Variants in SHISA6 observed in about 807,000 individuals in gnomAD.
The protein encoded by SHISA6 is shisa family member 6.
A neutral mutation model predicts 47.9 loss-of-function variants in SHISA6; 22 were observed. That is an observed-to-expected ratio of 0.46 (90% CI 0.33 to 0.66). The LOEUF is 0.66. Among genes scored for constraint, SHISA6 ranks in the 30% least tolerant of loss-of-function variants. SHISA6 has a pLI of 0.02. For synonymous variants in SHISA6, 388 were observed against 337.8 expected (o/e 1.15, Z -1.63); for missense variants, 680 against 764.6 (o/e 0.89, Z 1.30).
intron 1 of SHISA6, among the ~76,000 whole-genome samples, chr17:11,255,373 G>C (rs540173408): frequency 9.2e-5 from 14 of 152,314 alleles, no homozygotes; most frequent in Admixed American, 8.5e-4. Flanking sequence ...GAAAGAAAAA[G>C]AGAGGGAGGG....
intron 3 of SHISA6, among the ~76,000 whole-genome samples, chr17:11,533,782 C>T (rs569997946): frequency 4.1e-4 from 62 of 150,080 alleles, no homozygotes; most frequent in East Asian, 8.1e-4. Context: ...TTAGTAGAGA[C>T]GGGGTTTCAC....
At position 11,391,902 on chromosome 17, in the gene SHISA6, A is replaced by G. The variant is rs149328757; in HGVS notation, c.895+12393A>G. On this transcript the variant is annotated intron_variant, in intron 3 of 5. Transcript: ENST00000441885. ...ACCCCATGTGTTCTCAGAGCAGTCT[A>G]TTCTTCTGCCACTCTGAGTCTTGGA... 2.3e-3 allele frequency among the ~76,000 whole-genome samples: 352 copies of G among 152,310 alleles called. 2 individuals carry two copies. The highest frequency in any genetic ancestry group is 0.021 in the Admixed American group (320 of 15,298).
At chr17:11,483,481 A>T (rs1305540207) in intron 3 of SHISA6, among the ~76,000 whole-genome samples, 6 of 152,228 alleles carry the variant, frequency 3.9e-5, no homozygotes, top group Non-Finnish European at 8.8e-5. Context: ...ATATACACTT[A>T]CAACATAATT....
intron 2 of SHISA6, among the ~76,000 whole-genome samples, chr17:11,371,893 T>C (rs981670818): frequency 2.6e-5 from 4 of 151,520 alleles, no homozygotes; most frequent in Non-Finnish European, 5.9e-5. Context: ...ACCCCTCTCC[T>C]CAAAGGAAAG....
At chr17:11,384,295 T>C (rs1913124163) in intron 3 of SHISA6, among the ~76,000 whole-genome samples, 1 of 152,310 alleles carries the variant, frequency 6.6e-6, no homozygotes, top group South Asian at 2.1e-4. Context: ...CACAAGTAGA[T>C]GCTCAGTGGA....
intron 2 of SHISA6, among the ~76,000 whole-genome samples, chr17:11,376,036 G>T (rs993159112): frequency 4.9e-4 from 74 of 152,274 alleles, no homozygotes; most frequent in African/African-American, 1.7e-3. Flanking sequence ...CTTAACTTCT[G>T]TTCAGAGCTC....
At chr17:11,428,966 A>G (rs1272108346) in intron 3 of SHISA6, among the ~76,000 whole-genome samples, 1 of 150,462 alleles carries the variant, frequency 6.6e-6, no homozygotes, top group East Asian at 1.9e-4. Flanking sequence ...TTGTATTTTT[A>G]GTAGAAACGG....
chr17:11,440,277 T>C (rs964716749), intron 3 of SHISA6, among the ~76,000 whole-genome samples: 2 of 152,172 alleles, frequency 1.3e-5, no homozygotes, highest in African/African-American at 4.8e-5. Context: ...ATAATTTGCA[T>C]CAAACTTTAG....
chr17:11,242,976 T>G (rs371791991), intron 1 of SHISA6, among the ~76,000 whole-genome samples: 26 of 152,180 alleles, frequency 1.7e-4, no homozygotes, highest in African/African-American at 5.5e-4. Flanking sequence ...TTAGCTCGGC[T>G]TCCTGTCCCC....
At chr17:11,410,139 C>G (rs1432987834) in intron 3 of SHISA6, among the ~76,000 whole-genome samples, 1 of 152,190 alleles carries the variant, frequency 6.6e-6, no homozygotes, top group East Asian at 1.9e-4. Flanking sequence ...TCAGATTGCT[C>G]TTTGAGCCAG....
chr17:11,406,182 G>A (rs1386524290), intron 3 of SHISA6, among the ~76,000 whole-genome samples: 1 of 152,110 alleles, frequency 6.6e-6, no homozygotes, highest in Non-Finnish European at 1.5e-5. Flanking sequence ...CAACCACATA[G>A]GCAGTGGTAC....
chr17:11,360,535 G>T (rs559243633), intron 2 of SHISA6, among the ~76,000 whole-genome samples: 3 of 151,398 alleles, frequency 2.0e-5, no homozygotes, highest in Non-Finnish European at 4.4e-5. Context: ...ACTCCAGCCT[G>T]GGTGACAGAG....
In SHISA6 at chr17:11,506,521, A is replaced by G. The variant is rs530630014; in HGVS notation, c.896-45375A>G. The stretch of plus-strand genomic sequence containing the variant: ...AAACCCATCAGTTATAATCAATCAT[A>G]TGAGAACTGACAGAGGATTGAGCTC... On this transcript the variant is annotated intron_variant, in intron 3 of 5. Coordinates refer to ENST00000441885, the MANE Select transcript of SHISA6 (RefSeq NM_207386.4). Among the ~76,000 whole-genome samples, 9 of 152,278 alleles carry G rather than the reference A, an allele frequency of 5.9e-5. No individual in the cohort carries two copies. The East Asian group carries it at 1.5e-3, about 26-fold the overall frequency.
At chr17:11,550,089 C>G (rs1300763683) in intron 3 of SHISA6, among the ~76,000 whole-genome samples, 1 of 151,618 alleles carries the variant, frequency 6.6e-6, no homozygotes. Context: ...AAGTTTTGCT[C>G]TATCCCCCAG....
intron 2 of SHISA6, among the ~76,000 whole-genome samples, chr17:11,282,942 T>C (rs1909172065): frequency 6.6e-6 from 1 of 152,160 alleles, no homozygotes; most frequent in South Asian, 2.1e-4. Flanking sequence ...GAGCTCAAAA[T>C]AGGTTTACAT....
Position 11,563,486 on chromosome 17 carries a change from T to A in SHISA6, c.*5182T>A, listed in dbSNP as rs1164558852. 2 of 152,170 alleles carry A rather than the reference T, an allele frequency of 1.3e-5. No individual in the cohort carries two copies. The highest frequency in any genetic ancestry group is 2.9e-5 in the Non-Finnish European group (2 of 68,032). The allele number at this position is 152,170 out of a possible 1,614,324, so 9.4% of individuals were successfully genotyped here. A position where few individuals can be genotyped will look rare whatever the true frequency, so the allele number is the denominator to read the frequency against. On this transcript the variant is annotated 3_prime_UTR_variant, in exon 6 of 6. Coordinates refer to ENST00000441885, the MANE Select transcript of SHISA6 (RefSeq NM_207386.4). ...AGCAAACACATTAACCTTCCATCAG[T>A]CAGAGAAATAATGTTGTGGCTGTGT...
At chr17:11,458,184 C>T (rs1440790473) in intron 3 of SHISA6, among the ~76,000 whole-genome samples, 1 of 152,032 alleles carries the variant, frequency 6.6e-6, no homozygotes, top group East Asian at 1.9e-4. Context: ...TATCTTAAGT[C>T]CAACCAGTGA....
At chr17:11,299,732 GACCA>G (rs1387286492) in intron 2 of SHISA6, among the ~76,000 whole-genome samples, 1 of 152,080 alleles carries the variant, frequency 6.6e-6, no homozygotes, top group Non-Finnish European at 1.5e-5. Context: ...CTCTGACTCT[GACCA>G]ACCTGTGTCC....
At chr17:11,368,891 G>A (rs992189927) in intron 2 of SHISA6, among the ~76,000 whole-genome samples, 15 of 152,234 alleles carry the variant, frequency 9.9e-5, no homozygotes, top group African/African-American at 3.4e-4. Flanking sequence ...TCCTGACTTC[G>A]TGATCCGCCC....
Sources: allele counts gnomAD v4.1 joint callset (sites outside exome capture counted in the v4.1 genomes callset), GRCh38; gene constraint gnomAD v4.1.1; transcripts MANE v1.5; gene names NCBI Gene and HGNC (gene_info 2026-07-23, HGNC 2026-07-21).